The following TMEM207 variants were observed in gnomAD, a reference collection of about 807,000 sequenced individuals.
TMEM207 encodes SRSR846.
A neutral mutation model predicts 17.4 loss-of-function variants in TMEM207; 15 were observed. The observed-to-expected ratio is 0.86, with a 90% CI of 0.58 to 1.33. The LOEUF is 1.33. TMEM207 is among the 40% of genes most tolerant of loss of function. TMEM207 has a pLI of 0.00. For missense variants in TMEM207, 205 were observed against 173.8 expected, an observed-to-expected ratio of 1.18 and a Z score of -1.01; for synonymous variants, 70 against 65.6, an observed-to-expected ratio of 1.07 and a Z score of -0.33.
intron 4 of TMEM207, among the ~76,000 whole-genome samples, chr3:190,430,890 T>G (rs1719677633): frequency 1.3e-5 from 2 of 152,250 alleles, no homozygotes; most frequent in African/African-American, 2.4e-5. Flanking sequence ...TTAGGAATAT[T>G]CCAAAGAATA....
intron 2 of TMEM207, among the ~76,000 whole-genome samples, chr3:190,444,051 G>T (rs1719993612): frequency 6.6e-6 from 1 of 152,134 alleles, no homozygotes; most frequent in Non-Finnish European, 1.5e-5. Flanking sequence ...TCTCTGTGCT[G>T]AGAATCTGTG....
intron 4 of TMEM207, among the ~76,000 whole-genome samples, chr3:190,434,543 C>T (rs976318511): frequency 7.2e-5 from 11 of 152,144 alleles, no homozygotes; most frequent in East Asian, 1.9e-4. Flanking sequence ...TTTTGTAAAT[C>T]GCTCAGTTTC....
At chr3:190,444,458 A>C (rs2108538503) in intron 2 of TMEM207, 1 of 985,244 alleles carries the variant, frequency 1.0e-6, no homozygotes, top group South Asian at 4.7e-5. Flanking sequence ...TGCCTGAATG[A>C]ATCCAGTATC....
intron 1 of TMEM207, 105 bp downstream of exon 1, chr3:190,449,630 T>G: frequency 4.1e-6 from 4 of 986,730 alleles, no homozygotes; most frequent in Non-Finnish European, 6.3e-6. Flanking sequence ...ATCTTTTAAA[T>G]GTAGAAGCAG....
At chr3:190,443,858 G>A (rs986039680) in intron 2 of TMEM207, among the ~76,000 whole-genome samples, 7 of 152,094 alleles carry the variant, frequency 4.6e-5, no homozygotes, top group African/African-American at 1.2e-4. Context: ...GAAAATCATC[G>A]GGGGGAAGTG....
At position 190,440,193 on chromosome 3, in the gene TMEM207, G is replaced by A. The variant is rs187377098; in HGVS notation, c.304+51C>T. The A allele has an allele frequency of 2.5e-4, 385 of 1,549,286 alleles. 1 individual carries two copies. Among genetic ancestry groups the A allele is most frequent in the Non-Finnish European group, 3.1e-4 (356 of 1,149,676 alleles). On this transcript the variant is annotated intron_variant, in intron 4 of 4. Transcript: ENST00000354905. ...TGGGAGAACAGTTTTTCAATTAACC[G>A]CAAAACCACAAAGTATCAAAAAAGA...
intron 2 of TMEM207, among the ~76,000 whole-genome samples, chr3:190,441,954 T>C (rs1427875958): frequency 6.6e-6 from 1 of 152,206 alleles, no homozygotes; most frequent in Non-Finnish European, 1.5e-5. Context: ...CCTCTTGTTA[T>C]ACAATTGGTG....
chr3:190,429,642 G>A lies in TMEM207; in HGVS notation c.394C>T (p.Pro132Ser). The A allele has an allele frequency of 6.2e-7, 1 of 1,613,420 alleles. No homozygotes were observed. The change falls in exon 5 of 5, where the codon CCT becomes TCT. Residue 132 changes from proline to serine, a missense_variant. Coordinates refer to ENST00000354905, the MANE Select transcript of TMEM207 (RefSeq NM_207316.3). ...LYPVPAPCFG[P>S]LGSPPPYEEI... is the part of the protein sequence containing the mutation. ...TCATATGGAGGTGGGGAGCCTAAAG[G>A]GCCAAAACATGGAGCAGGAACAGGA...
In TMEM207 at chr3:190,447,724, C is replaced by G. The variant is rs1035375553; in HGVS notation, c.113+66G>C. Reference sequence around the variant, plus strand: ...ACTGGGCTTTTTCTAATGGCTTGAGCCTTTTTTATACTTTGAATTTTTTAA... The same window carrying G: ...ACTGGGCTTTTTCTAATGGCTTGAGGCTTTTTTATACTTTGAATTTTTTAA... On this transcript the variant is annotated intron_variant, in intron 2 of 4. Transcript: ENST00000354905. 21 of 1,537,622 alleles carry G rather than the reference C, an allele frequency of 1.4e-5. No individual in the cohort carries two copies. The African/African-American group carries it at 1.8e-4, about 13-fold the overall frequency.
At chr3:190,442,383 G>A (rs1027391509) in intron 2 of TMEM207, among the ~76,000 whole-genome samples, 2 of 152,180 alleles carry the variant, frequency 1.3e-5, no homozygotes, top group African/African-American at 4.8e-5. Flanking sequence ...GTTCATTGCA[G>A]TTTGAAGACA....
At chr3:190,436,369 A>G (rs1374656812) in intron 4 of TMEM207, among the ~76,000 whole-genome samples, 2 of 152,178 alleles carry the variant, frequency 1.3e-5, no homozygotes, top group South Asian at 2.1e-4. Flanking sequence ...CTTATTTTGT[A>G]TTCTAACATG....
intron 4 of TMEM207, 143 bp from the exon 5 acceptor site, chr3:190,429,874 A>C (rs12631469): frequency 0.21 from 216,402 of 1,045,950 alleles, 24,259 homozygotes; most frequent in East Asian, 0.3. Flanking sequence ...AATTACAACT[A>C]TCTTGCTCTT....
intron 2 of TMEM207, among the ~76,000 whole-genome samples, chr3:190,446,759 T>C (rs1720059464): frequency 6.6e-6 from 1 of 152,174 alleles, no homozygotes; most frequent in South Asian, 2.1e-4. Context: ...AGAGTTAGAT[T>C]CAACATTTAA....
chr3:190,431,016 T>A (rs980524913), intron 4 of TMEM207, among the ~76,000 whole-genome samples: 6 of 152,150 alleles, frequency 3.9e-5, no homozygotes, highest in African/African-American at 1.4e-4. Context: ...AATGTTAATT[T>A]AGAATAATGG....
chr3:190,436,493 T>C (rs572524357), intron 4 of TMEM207, among the ~76,000 whole-genome samples: 3 of 152,342 alleles, frequency 2.0e-5, no homozygotes, highest in South Asian at 2.1e-4. Flanking sequence ...ATGAATCCTG[T>C]GGCAGCTGGA....
chr3:190,443,145 C>CTTTTTT (rs201791052), intron 2 of TMEM207, among the ~76,000 whole-genome samples: 114 of 139,990 alleles, frequency 8.1e-4, no homozygotes, highest in Middle Eastern at 3.9e-3. Flanking sequence ...ATTAAAAAAG[C>CTTTTTT]TTTTTTTTTT....
rs1445539646 is a variant in TMEM207, at chr3:190,429,325, G to C, written c.*270C>G. The stretch of plus-strand genomic sequence containing the variant: ...TACTTCCAGCACCTAATTGTTGCCT[G>C]TTTGGATACTAGTGGAGAAGCATTA... On this transcript the variant is annotated 3_prime_UTR_variant, in exon 5 of 5. Transcript: ENST00000354905. 1 of 375,878 alleles carries C rather than the reference G, an allele frequency of 2.7e-6. No individual in the cohort carries two copies. The highest frequency in any genetic ancestry group is 2.1e-5 in the African/African-American group (1 of 47,022). The allele number at this position is 375,878 out of a possible 1,614,324, so 23.3% of individuals were successfully genotyped here.
At chr3:190,439,557 G>T (rs1364976418) in intron 4 of TMEM207, among the ~76,000 whole-genome samples, 1 of 152,130 alleles carries the variant, frequency 6.6e-6, no homozygotes, top group Non-Finnish European at 1.5e-5. Context: ...ATCAATTATG[G>T]CTTCCCAGAA....
chr3:190,435,109 A>G (rs977486694), intron 4 of TMEM207, among the ~76,000 whole-genome samples: 4 of 152,006 alleles, frequency 2.6e-5, no homozygotes, highest in African/African-American at 9.7e-5. Flanking sequence ...TCACTCCCCA[A>G]GAGAGCAGCT....
Sources: gnomAD v4.1 joint callset for allele counts (sites outside exome capture counted in the v4.1 genomes callset) on GRCh38, gnomAD v4.1.1 for gene constraint, MANE v1.5 for transcripts, NCBI Gene and HGNC (gene_info 2026-07-23, HGNC 2026-07-21) for gene names.